CACNA2D1: variants seen among roughly 807,000 people sequenced by gnomAD.
CACNA2D1 encodes the protein calcium voltage-gated channel auxiliary subunit alpha2delta 1.
A neutral mutation model predicts 171.5 loss-of-function variants in CACNA2D1; 53 were observed. That is an observed-to-expected ratio of 0.31 (90% confidence interval 0.25 to 0.39). CACNA2D1 has a LOEUF of 0.39. Ranked by LOEUF, CACNA2D1 falls within the 10% of genes least tolerant of loss-of-function variation. The probability of loss-of-function intolerance (pLI) is 1.00; values close to 1 mark genes in which losing one functional copy is unlikely to be tolerated. For missense variants in CACNA2D1, 903 were observed against 1,299.8 expected (o/e 0.69, Z 4.69); for synonymous variants, 442 against 443.1 (o/e 1.00, Z 0.03).
Position 82,016,384 on chromosome 7 carries a change from C to T in CACNA2D1, c.1144-1905G>A, listed in dbSNP as rs78124402. On this transcript the variant is annotated intron_variant, in intron 12 of 38. Coordinates refer to ENST00000356860, the MANE Select transcript of CACNA2D1 (RefSeq NM_000722.4). ...CCATACCTCAAATTTTCAACGGAAG[C>T]ATGGCTTTGCCTAGAAGTTCCTGTT... Among the ~76,000 whole-genome samples, 1,106 of 152,192 alleles carry T rather than the reference C, an allele frequency of 7.3e-3. 17 individuals carry two copies. Among genetic ancestry groups the T allele is most frequent in the African/African-American group, 0.025 (1,031 of 41,526 alleles).
intron 10 of CACNA2D1, among the ~76,000 whole-genome samples, chr7:82,053,360 G>A (rs6963143): frequency 0.12 from 18,350 of 151,532 alleles, 1,390 homozygotes; most frequent in African/African-American, 0.22. Context: ...GATTTTATTT[G>A]TACTGATTTT....
rs769570420 is a variant in CACNA2D1, at chr7:81,948,508, T to C, written c.*1884A>G. The C allele has an allele frequency of 3.3e-5, 5 of 151,758 alleles. No individual in the cohort carries two copies. Among genetic ancestry groups the C allele is most frequent in the Non-Finnish European group, 7.4e-5 (5 of 67,800 alleles). The allele number at this position is 151,758 out of a possible 1,614,324, so 9.4% of individuals were successfully genotyped here. ...GTACACAAATGGTACCTAAGGTATA[T>C]TGGTGGTGGGAGGGAATTACAAATG... is the stretch of plus-strand genomic sequence containing the variant. On this transcript the variant is annotated 3_prime_UTR_variant, in exon 39 of 39. Coordinates refer to ENST00000356860, the MANE Select transcript of CACNA2D1 (RefSeq NM_000722.4).
chr7:82,102,358 T>C (rs1221348082), intron 6 of CACNA2D1, among the ~76,000 whole-genome samples: 1 of 152,106 alleles, frequency 6.6e-6, no homozygotes, highest in East Asian at 1.9e-4. Flanking sequence ...TCATTAGTAA[T>C]TTTATAAATA....
intron 11 of CACNA2D1, among the ~76,000 whole-genome samples, chr7:82,036,189 CCTT>C (rs1803268674): frequency 6.6e-6 from 1 of 152,126 alleles, no homozygotes; most frequent in Non-Finnish European, 1.5e-5. Context: ...ATGCCATGCT[CCTT>C]AATAGCTCCT....
chr7:82,091,034 G>T (rs1021550396), intron 6 of CACNA2D1, among the ~76,000 whole-genome samples: 2 of 152,060 alleles, frequency 1.3e-5, no homozygotes, highest in Admixed American at 6.6e-5. Context: ...TCTCTGAAAA[G>T]AAAGATGTTA....
intron 3 of CACNA2D1, among the ~76,000 whole-genome samples, chr7:82,171,456 A>G (rs1796011997): frequency 1.3e-5 from 2 of 152,064 alleles, no homozygotes; most frequent in Non-Finnish European, 2.9e-5. Flanking sequence ...CCGACTGCCT[A>G]GATTTGAATA....
chr7:82,410,847 A>G (rs529093312), intron 1 of CACNA2D1, among the ~76,000 whole-genome samples: 1 of 152,312 alleles, frequency 6.6e-6, no homozygotes, highest in Non-Finnish European at 1.5e-5. Context: ...TCATGACTGC[A>G]TTCATTCCAG....
chr7:82,371,493 A>G (rs574759834), intron 1 of CACNA2D1, among the ~76,000 whole-genome samples: 1 of 152,374 alleles, frequency 6.6e-6, no homozygotes, highest in African/African-American at 2.4e-5. Context: ...CTGGGGTTGC[A>G]CTACAAAGTC....
At chr7:82,190,328 A>G (rs943791180) in intron 3 of CACNA2D1, among the ~76,000 whole-genome samples, 32 of 151,902 alleles carry the variant, frequency 2.1e-4, no homozygotes, top group African/African-American at 7.5e-4. Flanking sequence ...CATATCCATA[A>G]TTGTATTAAC....
At chr7:82,433,743 TC>T (rs1040276728) in intron 1 of CACNA2D1, among the ~76,000 whole-genome samples, 23 of 152,270 alleles carry the variant, frequency 1.5e-4, no homozygotes, top group African/African-American at 5.5e-4. Flanking sequence ...TTCCACACCT[TC>T]CCCACCCTTC....
Position 82,372,280 on chromosome 7 carries a change from T to G in CACNA2D1, c.96-22631A>C, listed in dbSNP as rs1822500825. Reference sequence around the variant, plus strand: ...TGCTCAACTACAAGCTTAATTAACTTACATATAAATTCTGTTCCAAGGCAA... The same window carrying G: ...TGCTCAACTACAAGCTTAATTAACTGACATATAAATTCTGTTCCAAGGCAA... On this transcript the variant is annotated intron_variant, in intron 1 of 38. Coordinates refer to ENST00000356860, the MANE Select transcript of CACNA2D1 (RefSeq NM_000722.4). 1.3e-5 allele frequency among the ~76,000 whole-genome samples: 2 copies of G among 152,178 alleles called. 1 individual carries two copies. The highest frequency in any genetic ancestry group is 4.1e-4 in the South Asian group (2 of 4,834).
At chr7:82,039,602 A>G (rs567104514) in intron 10 of CACNA2D1, among the ~76,000 whole-genome samples, 1 of 152,320 alleles carries the variant, frequency 6.6e-6, no homozygotes, top group East Asian at 1.9e-4. Context: ...ATTATGATTC[A>G]TTCTATAAAG....
At chr7:82,419,438 T>C (rs564766197) in intron 1 of CACNA2D1, among the ~76,000 whole-genome samples, 35 of 152,184 alleles carry the variant, frequency 2.3e-4, no homozygotes, top group Admixed American at 1.3e-3. Flanking sequence ...TAATTTCCGC[T>C]CCAGACCCAG....
intron 1 of CACNA2D1, among the ~76,000 whole-genome samples, chr7:82,398,724 T>C (rs1311351196): frequency 2.6e-5 from 4 of 151,824 alleles, no homozygotes; most frequent in Non-Finnish European, 5.9e-5. Flanking sequence ...ACTACAGGCG[T>C]GCACCACCAT....
At position 82,032,827 on chromosome 7, in the gene CACNA2D1, C is replaced by G; in HGVS notation, c.1113G>C (p.Glu371Asp). The change falls in exon 12 of 39, where the codon GAG (glutamate) becomes GAC (aspartate). Residue 371 changes from glutamate (E) to aspartate (D), a missense_variant. Physicochemically the swap from Glu to Asp is conservative, Grantham distance 45 (BLOSUM62 2). Around this residue, in one of 5 missense-constraint regions of CACNA2D1, gnomAD observed 623 missense variants for 925.5 expected, o/e 0.67. Coordinates refer to ENST00000356860, the MANE Select transcript of CACNA2D1 (RefSeq NM_000722.4). ...FTDGGEERAQ[E>D]IFNKYNKDKK... ...TATCTTTATTGTATTTGTTAAATAT[C>G]TCCTGGGCTCTCTCTTCTCCTCCAT... The G allele has an allele frequency of 6.3e-7, 1 of 1,581,840 alleles. No homozygotes were observed. Among genetic ancestry groups the G allele is most frequent in the Non-Finnish European group, 8.7e-7 (1 of 1,152,432 alleles).
At chr7:82,443,855 G>C (rs1830697587), upstream of CACNA2D1, 3 of 450,064 alleles carry the variant, frequency 6.7e-6, no homozygotes, top group Non-Finnish European at 1.1e-5. Flanking sequence ...GGCGGAGGAG[G>C]GGTGACGGCG....
chr7:82,300,753 T>C (rs1812899114), intron 3 of CACNA2D1, among the ~76,000 whole-genome samples: 1 of 151,946 alleles, frequency 6.6e-6, no homozygotes, highest in South Asian at 2.1e-4. Context: ...CACAAATCTG[T>C]CTTCTATAAT....
chr7:82,370,490 A>C (rs1412290529), intron 1 of CACNA2D1, among the ~76,000 whole-genome samples: 5 of 151,520 alleles, frequency 3.3e-5, no homozygotes, highest in African/African-American at 9.7e-5. Context: ...TTTTATTACA[A>C]ATCAGATAAA....
chr7:82,046,617 C>A (rs947997741), intron 10 of CACNA2D1, among the ~76,000 whole-genome samples: 1 of 152,122 alleles, frequency 6.6e-6, no homozygotes, highest in Non-Finnish European at 1.5e-5. Flanking sequence ...GTGGAAAGCC[C>A]TTCAAATTCT....
Sources: gnomAD v4.1 joint callset for allele counts (sites outside exome capture counted in the v4.1 genomes callset) on GRCh38, gnomAD v4.1.1 for gene constraint, gnomAD v4.1.1 regional missense constraint, MANE v1.5 for transcripts, NCBI Gene and HGNC (gene_info 2026-07-23, HGNC 2026-07-21) for gene names.